Variants in SLC2A1 observed in about 807,000 individuals in gnomAD.
SLC2A1 encodes solute carrier family 2 member 1.
SLC2A1 carries 4 observed loss-of-function variants against 46.6 expected under a neutral mutation model. The ratio of observed to expected loss-of-function variants is 0.09; its 90% CI spans 0.04 to 0.20. The LOEUF (loss-of-function observed/expected upper bound fraction) is 0.20, where lower values mean the gene tolerates loss of function less well. Ranked by LOEUF, SLC2A1 falls within the 10% of genes least tolerant of loss-of-function variation. SLC2A1 has a pLI of 1.00. For missense variants in SLC2A1, 352 were observed against 667.0 expected (o/e 0.53, Z 5.20); for synonymous variants, 253 against 270.0 (o/e 0.94, Z 0.62).
chr1:42,931,726 G>A (rs1643491871), intron 2 of SLC2A1, among the ~76,000 whole-genome samples: 1 of 151,550 alleles, frequency 6.6e-6, no homozygotes, highest in Non-Finnish European at 1.5e-5. Flanking sequence ...CTACACGGGA[G>A]GCTAAGGCAG....
chr1:42,951,647 G>C (rs951248803), intron 1 of SLC2A1: 2 of 394,400 alleles, frequency 5.1e-6, no homozygotes, highest in Admixed American at 8.8e-5. Flanking sequence ...CTTCTCTGTA[G>C]TTGGCTCTGT....
In SLC2A1 at chr1:42,930,677, G is replaced by A. The variant is rs1643479335; in HGVS notation, c.465C>T (p.Ala155=). 6.2e-7 allele frequency: 1 copy of A among 1,613,034 alleles called. No homozygotes were observed. Among genetic ancestry groups the A allele is most frequent in the Non-Finnish European group, 8.5e-7 (1 of 1,179,560 alleles). ...TGCCCAGCTGGTGCAGGGTGCCCAG[G>A]GCCCCACGAAGGGCTGTGGGTGACA... ...GEVSPTALRG[A]LGTLHQLGIV... is the part of the protein sequence containing the mutation. Residue 155 remains alanine, a synonymous_variant, in exon 4 of 10, where the codon GCC becomes GCT. Transcript: ENST00000426263. The surrounding 1 kb of genome is among the most constrained non-coding windows in gnomAD (Gnocchi z 6.2).
Position 42,927,083 on chromosome 1 carries a change from G to C in SLC2A1, c.1437C>G (p.Pro479=). The C allele has an allele frequency of 1.2e-6, 2 of 1,614,140 alleles. No individual in the cohort carries two copies. Among genetic ancestry groups the C allele is most frequent in the African/African-American group, 1.3e-5 (1 of 75,022 alleles). ...CCCCCAGGGGATGGAACAGCTCCTC[G>C]GGTGTCTTGTCACTTTGGCTGGCTC... is the stretch of plus-strand genomic sequence containing the variant. ...QGGASQSDKT[P]EELFHPLGAD... The change falls in exon 10 of 10, where the codon CCC becomes CCG. Residue 479 remains proline, a synonymous_variant. Transcript: ENST00000426263. This position sits in a 1 kb window ranked among gnomAD's most constrained non-coding sequence, Gnocchi z 5.3.
At chr1:42,935,894 C>G (rs1643538127) in intron 2 of SLC2A1, among the ~76,000 whole-genome samples, 1 of 152,212 alleles carries the variant, frequency 6.6e-6, no homozygotes, top group East Asian at 1.9e-4. Flanking sequence ...TAGCTAGAAT[C>G]CATTAGGTAG....
chr1:42,926,870 G>A lies in SLC2A1; in HGVS notation c.*171C>T. The A allele has an allele frequency of 6.8e-7, 1 of 1,471,314 alleles. No individual in the cohort carries two copies. Among genetic ancestry groups the A allele is most frequent in the Non-Finnish European group, 9.0e-7 (1 of 1,117,150 alleles). 91.1% of individuals were successfully genotyped at this position (1,471,314 alleles called of 1,614,324 possible). A position where few individuals can be genotyped will look rare whatever the true frequency, so the allele number is the denominator to read the frequency against. ...CAGTCTTGCTTTTGTTAAAATCCTGGAGCCGTTAAGTCCTGAATATTCTTC... is the reference window on the plus strand; with the variant it reads ...CAGTCTTGCTTTTGTTAAAATCCTGAAGCCGTTAAGTCCTGAATATTCTTC... On this transcript the variant is annotated 3_prime_UTR_variant, in exon 10 of 10. Transcript: ENST00000426263.
chr1:42,956,492 G>A (rs12080026), intron 1 of SLC2A1, among the ~76,000 whole-genome samples: 1 of 151,448 alleles, frequency 6.6e-6, no homozygotes, highest in African/African-American at 2.4e-5. Context: ...GGCTGAGGCA[G>A]AAGAAACGCT....
In SLC2A1 at chr1:42,930,100, G is replaced by T; in HGVS notation, c.517-65C>A. On this transcript the variant is annotated intron_variant, in intron 4 of 9. Transcript: ENST00000426263. This position sits in a 1 kb window ranked among gnomAD's most constrained non-coding sequence, Gnocchi z 6.2. ...CCCTTTCCCACCCCGTCCTGCCAGAGTGGCCTTCCCTACTTTGTGTCAGCT... is the reference window on the plus strand; with the variant it reads ...CCCTTTCCCACCCCGTCCTGCCAGATTGGCCTTCCCTACTTTGTGTCAGCT... 1 of 1,584,074 alleles carries T rather than the reference G, an allele frequency of 6.3e-7. No individual in the cohort carries two copies. The highest frequency in any genetic ancestry group is 1.1e-5 in the South Asian group (1 of 89,414).
chr1:42,927,867 G>T lies in SLC2A1; in HGVS notation c.1075-59C>A, dbSNP rs1420779272. The T allele has an allele frequency of 3.0e-6, 4 of 1,330,508 alleles. No homozygotes were observed. The African/African-American group carries it at 5.8e-5, about 19-fold the overall frequency. The allele number at this position is 1,330,508 out of a possible 1,614,324, so 82.4% of individuals were successfully genotyped here. ...ACTGGGTTGTGATGGATCCTCAGGG[G>T]AAACAGAAGCTACAGAGGCCAGAGC... On this transcript the variant is annotated intron_variant, in intron 8 of 9. Transcript: ENST00000426263. The surrounding 1 kb of genome is among the most constrained non-coding windows in gnomAD (Gnocchi z 5.3).
At chr1:42,955,035 G>C (rs544942884) in intron 1 of SLC2A1, among the ~76,000 whole-genome samples, 138 of 152,322 alleles carry the variant, frequency 9.1e-4, no homozygotes, top group African/African-American at 3.2e-3. Flanking sequence ...GAATGGGTTA[G>C]TGGGAGCTTT....
chr1:42,927,294 G>A lies in SLC2A1; in HGVS notation c.1279-53C>T. 1 of 1,546,074 alleles carries A rather than the reference G, an allele frequency of 6.5e-7. No homozygotes were observed. Among genetic ancestry groups the A allele is most frequent in the Non-Finnish European group, 8.9e-7 (1 of 1,120,206 alleles). ...GGAGTCATGACCCTACATCCTGGCTGTAGGACTTTGGATAAGTCACTTTAC... is the reference window on the plus strand; with the variant it reads ...GGAGTCATGACCCTACATCCTGGCTATAGGACTTTGGATAAGTCACTTTAC... On this transcript the variant is annotated intron_variant, in intron 9 of 9. Transcript: ENST00000426263. This position sits in a 1 kb window ranked among gnomAD's most constrained non-coding sequence, Gnocchi z 5.3.
rs749426767 is a variant in SLC2A1, at chr1:42,929,215, C to T, written c.967G>A (p.Val323Met). ...SGIVNTAFTV[V>M]SLFVVERAGR... Reference sequence around the variant, plus strand: ...GCCAGTAAGCAAAGACTCACCGACACGACAGTGAAGGCCGTGTTGACGATA... The same window carrying T: ...GCCAGTAAGCAAAGACTCACCGACATGACAGTGAAGGCCGTGTTGACGATA... Residue 323 changes from valine to methionine, a missense_variant, in exon 7 of 10, where the codon GTG (valine) becomes ATG (methionine). Val to Met is a conservative substitution (Grantham distance 21). Transcript: ENST00000426263. The surrounding 1 kb of genome is among the most constrained non-coding windows in gnomAD (Gnocchi z 6.0). The T allele has an allele frequency of 8.1e-6, 13 of 1,613,540 alleles. No individual in the cohort carries two copies. The highest frequency in any genetic ancestry group is 3.3e-5 in the Admixed American group (2 of 59,998).
At position 42,930,994 on chromosome 1, in the gene SLC2A1, G is replaced by A. The variant is rs1643483637; in HGVS notation, c.275+52C>T. ...CTCCCACCCCATCTGGGACTCCCTGGGCAGGAGGGCATGGGCCCTCCAAGG... is the reference window on the plus strand; with the variant it reads ...CTCCCACCCCATCTGGGACTCCCTGAGCAGGAGGGCATGGGCCCTCCAAGG... On this transcript the variant is annotated intron_variant, in intron 3 of 9. Coordinates refer to ENST00000426263, the MANE Select transcript of SLC2A1 (RefSeq NM_006516.4). This position sits in a 1 kb window ranked among gnomAD's most constrained non-coding sequence, Gnocchi z 6.2. 3 of 1,611,362 alleles carry A rather than the reference G, an allele frequency of 1.9e-6. No homozygotes were observed. The highest frequency in any genetic ancestry group is 1.1e-5 in the South Asian group (1 of 90,922).
chr1:42,952,048 C>T (rs965393487), intron 1 of SLC2A1: 4 of 428,698 alleles, frequency 9.3e-6, no homozygotes, highest in African/African-American at 8.1e-5. Context: ...CCCAGATATC[C>T]ACAGCATGGG....
chr1:42,936,731 A>G (rs1400715838), intron 2 of SLC2A1, among the ~76,000 whole-genome samples: 1 of 152,156 alleles, frequency 6.6e-6, no homozygotes, highest in Non-Finnish European at 1.5e-5. Flanking sequence ...AGCTCTTGCA[A>G]TAAAGTGTCT....
intron 1 of SLC2A1, among the ~76,000 whole-genome samples, chr1:42,947,833 CA>C (rs1244754648): frequency 1.3e-5 from 2 of 152,156 alleles, no homozygotes; most frequent in African/African-American, 4.8e-5. Flanking sequence ...GGCTTTTGGG[CA>C]AAGCTGGCTC....
At chr1:42,952,035 G>A in intron 1 of SLC2A1, 2 of 427,186 alleles carry the variant, frequency 4.7e-6, no homozygotes, top group Non-Finnish European at 4.1e-6. Context: ...GGTGATGAGG[G>A]GGCCCAGATA....
At chr1:42,958,453 C>T (rs1384818899) in intron 1 of SLC2A1, among the ~76,000 whole-genome samples, 181 bp downstream of exon 1, 1 of 150,560 alleles carries the variant, frequency 6.6e-6, no homozygotes, top group East Asian at 1.9e-4. Context: ...ATCCCCACTG[C>T]GGCCAGCGGC....
intron 2 of SLC2A1, among the ~76,000 whole-genome samples, chr1:42,942,418 C>T (rs1353098780): frequency 6.6e-6 from 1 of 151,960 alleles, no homozygotes; most frequent in South Asian, 2.1e-4. Flanking sequence ...CCCCCTACCC[C>T]CTTTTCCTCT....
At position 42,927,728 on chromosome 1, in the gene SLC2A1, G is replaced by T. The variant is rs76860965; in HGVS notation, c.1155C>A (p.Pro385=). ...FVAFFEVGPG[P]IPWFIVAELF... Reference sequence around the variant, plus strand: ...GTTCAGCCACGATGAACCATGGGATGGGGCCAGGACCCACTTCAAAGAAGG... The same window carrying T: ...GTTCAGCCACGATGAACCATGGGATTGGGCCAGGACCCACTTCAAAGAAGG... Residue 385 remains proline (P), a synonymous_variant, in exon 9 of 10, where the codon CCC becomes CCA. Coordinates refer to ENST00000426263, the MANE Select transcript of SLC2A1 (RefSeq NM_006516.4). This position sits in a 1 kb window ranked among gnomAD's most constrained non-coding sequence, Gnocchi z 5.3. The T allele has an allele frequency of 5.0e-6, 8 of 1,614,126 alleles. No individual in the cohort carries two copies. The South Asian group carries it at 7.7e-5, about 16-fold the overall frequency.
Sources: allele counts gnomAD v4.1 joint callset (sites outside exome capture counted in the v4.1 genomes callset), GRCh38; gene constraint gnomAD v4.1.1; non-coding constraint Gnocchi (gnomAD v3.1); transcripts MANE v1.5; gene names NCBI Gene and HGNC (gene_info 2026-07-23, HGNC 2026-07-21).